The following REEP1 variants were observed in gnomAD, a reference collection of about 807,000 sequenced individuals.
REEP1 encodes receptor expression-enhancing protein 1.
Under a neutral mutation model 40.3 loss-of-function variants are expected in REEP1, and 22 were observed. The ratio of observed to expected loss-of-function variants is 0.55; its 90% CI spans 0.39 to 0.78. The LOEUF is 0.78. Ranked by LOEUF, REEP1 falls within the 30% of genes least tolerant of loss-of-function variation. REEP1 has a pLI of 0.00. For missense variants in REEP1, 280 were observed against 361.1 expected, an observed-to-expected ratio of 0.78 and a Z score of 1.82; for synonymous variants, 116 against 139.2, an observed-to-expected ratio of 0.83 and a Z score of 1.17.
chr2:86,317,912 C>G (rs1361069709), intron 1 of REEP1, among the ~76,000 whole-genome samples: 1 of 152,118 alleles, frequency 6.6e-6, no homozygotes, highest in Non-Finnish European at 1.5e-5. Context: ...GACTGATGAA[C>G]TCCGGTTATT....
At chr2:86,243,201 C>A (rs1434205738) in intron 5 of REEP1, among the ~76,000 whole-genome samples, 1 of 151,792 alleles carries the variant, frequency 6.6e-6, no homozygotes, top group African/African-American at 2.4e-5. Flanking sequence ...AACACTGAGG[C>A]GTGAGGAAAG....
At chr2:86,322,559 C>T (rs892507881) in intron 1 of REEP1, among the ~76,000 whole-genome samples, 2 of 151,936 alleles carry the variant, frequency 1.3e-5, no homozygotes, top group African/African-American at 2.4e-5. Context: ...GATTCTCCTG[C>T]CCTGGCTCAG....
chr2:86,249,713 G>A (rs1245074172), intron 5 of REEP1, among the ~76,000 whole-genome samples: 1 of 152,134 alleles, frequency 6.6e-6, no homozygotes, highest in Non-Finnish European at 1.5e-5. Context: ...ACCAAGGCCT[G>A]AAGTGATCCA....
intron 8 of REEP1, among the ~76,000 whole-genome samples, chr2:86,217,403 A>G (rs1674174892): frequency 6.6e-6 from 1 of 152,218 alleles, no homozygotes; most frequent in African/African-American, 2.4e-5. Flanking sequence ...TTTCTGCCTG[A>G]GGAGCAAAAT....
At chr2:86,322,646 T>G (rs1680321400) in intron 1 of REEP1, among the ~76,000 whole-genome samples, 1 of 151,802 alleles carries the variant, frequency 6.6e-6, no homozygotes, top group African/African-American at 2.4e-5. Context: ...TAGAGACAGG[T>G]TTTCAGCATG....
chr2:86,260,373 C>T (rs537340142), intron 3 of REEP1, among the ~76,000 whole-genome samples: 1 of 152,302 alleles, frequency 6.6e-6, no homozygotes, highest in Admixed American at 6.5e-5. Flanking sequence ...GAGGCCTCCA[C>T]ATGGGTCAGG....
chr2:86,281,414 G>A (rs1678086327), intron 2 of REEP1, among the ~76,000 whole-genome samples: 1 of 152,186 alleles, frequency 6.6e-6, no homozygotes, highest in South Asian at 2.1e-4. Context: ...CAGATCACGA[G>A]GTCAGGAGTT....
chr2:86,276,543 G>A (rs983919429), intron 2 of REEP1, among the ~76,000 whole-genome samples: 3 of 152,126 alleles, frequency 2.0e-5, no homozygotes, highest in East Asian at 1.9e-4. Context: ...AATGCCCTGC[G>A]GTGGCTGGCC....
At position 86,307,886 on chromosome 2, in the gene REEP1, T is replaced by C. The variant is rs531513305; in HGVS notation, c.33-25644A>G. Among the ~76,000 whole-genome samples, 3 of 152,336 alleles carry C rather than the reference T, an allele frequency of 2.0e-5. No homozygotes were observed. The East Asian group carries it at 5.8e-4, about 29-fold the overall frequency. On this transcript the variant is annotated intron_variant, in intron 1 of 8. Coordinates refer to ENST00000538924, the MANE Select transcript of REEP1 (RefSeq NM_001371279.1). ...CAAATTAAGTTGACAAATAGAAAACTAGAAGAAAGATTCTCTACAATGTTA... is the reference window on the plus strand; with the variant it reads ...CAAATTAAGTTGACAAATAGAAAACCAGAAGAAAGATTCTCTACAATGTTA...
intron 2 of REEP1, among the ~76,000 whole-genome samples, chr2:86,275,383 G>T (rs1044254621): frequency 1.3e-5 from 2 of 152,202 alleles, no homozygotes; most frequent in Non-Finnish European, 2.9e-5. Context: ...GGCATCTGGG[G>T]CCTCAATGAT....
At chr2:86,279,158 G>A (rs1159485997) in intron 2 of REEP1, among the ~76,000 whole-genome samples, 1 of 152,176 alleles carries the variant, frequency 6.6e-6, no homozygotes, top group Non-Finnish European at 1.5e-5. Flanking sequence ...GCCTTCCACA[G>A]AAAGACAAGC....
chr2:86,226,275 C>A (rs57367442), intron 7 of REEP1, among the ~76,000 whole-genome samples: 1 of 151,932 alleles, frequency 6.6e-6, no homozygotes, highest in Non-Finnish European at 1.5e-5. Context: ...AAGCTCACAG[C>A]GGTTAGGTGA....
At chr2:86,337,875 G>C (rs1163092207), upstream of REEP1, 1 of 888,338 alleles carries the variant, frequency 1.1e-6, no homozygotes, top group Non-Finnish European at 1.7e-6. The surrounding 1 kb of genome is among the most constrained non-coding windows in gnomAD (Gnocchi z 5.8). Flanking sequence ...CCCGTTTGCA[G>C]GGCAGGGACC....
intron 3 of REEP1, among the ~76,000 whole-genome samples, chr2:86,257,788 C>T (rs1021021019): frequency 8.5e-5 from 13 of 152,170 alleles, no homozygotes; most frequent in African/African-American, 3.1e-4. Flanking sequence ...CAGGCGTGCA[C>T]CACAATGCCC....
At chr2:86,292,138 G>C (rs1678741921) in intron 1 of REEP1, among the ~76,000 whole-genome samples, 1 of 152,160 alleles carries the variant, frequency 6.6e-6, no homozygotes, top group Admixed American at 6.5e-5. Flanking sequence ...GACTAGCTGT[G>C]GAGTGGCAAG....
intron 5 of REEP1, among the ~76,000 whole-genome samples, 196 bp from the exon 6 acceptor site, chr2:86,232,998 G>A (rs114181038): frequency 1.9e-3 from 291 of 152,226 alleles, no homozygotes; most frequent in African/African-American, 6.7e-3. Flanking sequence ...GCCTCCTCTG[G>A]GGCTCAGTAA....
At chr2:86,292,646 G>C (rs1678779574) in intron 1 of REEP1, among the ~76,000 whole-genome samples, 2 of 152,110 alleles carry the variant, frequency 1.3e-5, no homozygotes, top group South Asian at 2.1e-4. Context: ...TTCTCCTTCT[G>C]GTGGGCTTCA....
At chr2:86,226,632 C>CTTTTT (rs377324951) in intron 7 of REEP1, among the ~76,000 whole-genome samples, 4,921 of 139,316 alleles carry the variant, frequency 0.035, 172 homozygotes, top group East Asian at 0.2. Context: ...GCACACCTGG[C>CTTTTT]TTTTTTTTTT....
intron 2 of REEP1, among the ~76,000 whole-genome samples, chr2:86,265,291 T>G (rs1448974372): frequency 2.6e-5 from 4 of 152,180 alleles, no homozygotes; most frequent in African/African-American, 9.6e-5. Context: ...TTAGAGGGGT[T>G]TGGTAAGCAT....
Sources: allele counts gnomAD v4.1 joint callset (sites outside exome capture counted in the v4.1 genomes callset), GRCh38; gene constraint gnomAD v4.1.1; non-coding constraint Gnocchi (gnomAD v3.1); transcripts MANE v1.5; gene names NCBI Gene and HGNC (gene_info 2026-07-23, HGNC 2026-07-21).